CSN3: variants seen among roughly 807,000 people sequenced by gnomAD.
CSN3 encodes kappa-casein.
A neutral mutation model predicts 9.9 loss-of-function variants in CSN3; 7 were observed. That is an observed-to-expected ratio of 0.71 (90% confidence interval 0.40 to 1.33). The LOEUF is 1.33. Among genes scored for constraint, CSN3 ranks in the 40% most tolerant of loss-of-function variants. The pLI, the probability that CSN3 is intolerant of heterozygous loss-of-function variation, is 0.01. For synonymous variants in CSN3, 88 were observed against 82.3 expected (o/e 1.07, Z -0.37); for missense variants, 253 against 227.9 (o/e 1.11, Z -0.71).
chr4:70,248,016 A>C (rs1490695499), intron 3 of CSN3, among the ~76,000 whole-genome samples, 166 bp downstream of exon 3: 13 of 152,200 alleles, frequency 8.5e-5, no homozygotes, highest in African/African-American at 2.9e-4. Flanking sequence ...GGTGATATGA[A>C]TCAACATTGA....
upstream of CSN3, chr4:70,242,506 C>T (rs1172321537): frequency 6.6e-6 from 1 of 150,398 alleles, no homozygotes; most frequent in Non-Finnish European, 1.5e-5. Flanking sequence ...ACCCTGCTAT[C>T]ATCATCTTAT....
intron 2 of CSN3, among the ~76,000 whole-genome samples, chr4:70,245,143 A>T (rs2109695383): frequency 6.6e-6 from 1 of 152,232 alleles, no homozygotes; most frequent in African/African-American, 2.4e-5. Flanking sequence ...TAGAGAAAAT[A>T]CATTCAGGGG....
upstream of CSN3, among the ~76,000 whole-genome samples, chr4:70,241,208 CTG>C (rs2109691933): frequency 6.6e-6 from 1 of 152,098 alleles, no homozygotes; most frequent in South Asian, 2.1e-4. Flanking sequence ...AAGGAAAACA[CTG>C]TGACTAAATA....
upstream of CSN3, among the ~76,000 whole-genome samples, chr4:70,240,072 A>G (rs1265463693): frequency 2.6e-5 from 4 of 151,992 alleles, no homozygotes; most frequent in Non-Finnish European, 5.9e-5. Context: ...CTGAGAAATA[A>G]AATGAGACAG....
At chr4:70,247,966 A>G in intron 3 of CSN3, 116 bp downstream of exon 3, 1 of 641,192 alleles carries the variant, frequency 1.6e-6, no homozygotes. Flanking sequence ...TTTCCATAAA[A>G]CAATCTAATA....
chr4:70,245,370 T>C (rs1828827), intron 2 of CSN3, among the ~76,000 whole-genome samples: 16,651 of 152,192 alleles, frequency 0.11, 1,069 homozygotes, highest in Admixed American at 0.18. Context: ...CTGCCTTTAA[T>C]ATTTGAATCA....
chr4:70,249,464 A>G, exon 4 of CSN3: 2 of 1,603,864 alleles, frequency 1.2e-6, no homozygotes, highest in South Asian at 2.2e-5. Context: ...GCATAAAAAC[A>G]CCAAGGAAAT....
intron 2 of CSN3, among the ~76,000 whole-genome samples, chr4:70,245,202 T>C (rs1463867937): frequency 1.3e-5 from 2 of 152,072 alleles, no homozygotes; most frequent in Non-Finnish European, 2.9e-5. Context: ...TTAAGGATAA[T>C]TCAGAAAGAA....
At chr4:70,244,658 T>C (rs1730339047) in intron 1 of CSN3, among the ~76,000 whole-genome samples, 154 bp from the exon 2 acceptor site, 1 of 152,116 alleles carries the variant, frequency 6.6e-6, no homozygotes, top group Admixed American at 6.6e-5. Context: ...TTTGAGTTTT[T>C]ACATTCTTTT....
upstream of CSN3, among the ~76,000 whole-genome samples, chr4:70,242,219 A>G (rs1407337755): frequency 6.6e-6 from 1 of 151,792 alleles, no homozygotes; most frequent in African/African-American, 2.4e-5. Context: ...ATTTAAAAAG[A>G]TATGAATACT....
chr4:70,240,120 G>A (rs1009497404), upstream of CSN3, among the ~76,000 whole-genome samples: 1 of 151,856 alleles, frequency 6.6e-6, no homozygotes, highest in African/African-American at 2.4e-5. Context: ...ACCATCAAGG[G>A]AAGATAAAAC....
At chr4:70,250,871 A>G (rs1181676660) in intron 4 of CSN3, among the ~76,000 whole-genome samples, 1 of 152,186 alleles carries the variant, frequency 6.6e-6, no homozygotes, top group Non-Finnish European at 1.5e-5. Context: ...ATATGGGTAA[A>G]TTGTGTTGTT....
intron 3 of CSN3, among the ~76,000 whole-genome samples, 173 bp downstream of exon 3, chr4:70,248,023 T>C (rs957921667): frequency 6.6e-6 from 1 of 152,208 alleles, no homozygotes; most frequent in Non-Finnish European, 1.5e-5. Context: ...TGAATCAACA[T>C]TGATGTTCAT....
chr4:70,246,700 C>T (rs1487478239), intron 2 of CSN3, among the ~76,000 whole-genome samples: 3 of 132,840 alleles, frequency 2.3e-5, no homozygotes, highest in African/African-American at 8.3e-5. Context: ...GAGACAGAGT[C>T]TCGCTTGGTC....
chr4:70,243,991 T>G (rs532081636), intron 1 of CSN3, among the ~76,000 whole-genome samples: 1 of 152,166 alleles, frequency 6.6e-6, no homozygotes, highest in Non-Finnish European at 1.5e-5. Context: ...GATCATGGAA[T>G]TATAGAATTT....
chr4:70,251,155 A>T (rs974839425), intron 4 of CSN3, 107 bp from the exon 5 acceptor site: 1 of 152,174 alleles, frequency 6.6e-6, no homozygotes, highest in Non-Finnish European at 1.5e-5. Flanking sequence ...TGATTGACTT[A>T]TTGGATACAG....
upstream of CSN3, among the ~76,000 whole-genome samples, chr4:70,242,259 C>T (rs1354325231): frequency 1.3e-5 from 2 of 150,146 alleles, no homozygotes; most frequent in African/African-American, 4.9e-5. Flanking sequence ...GATGACTCTA[C>T]ATCCTTCTCT....
At chr4:70,244,687 CA>C (rs1475229055) in intron 1 of CSN3, 124 bp from the exon 2 acceptor site, 4 of 427,306 alleles carry the variant, frequency 9.4e-6, no homozygotes, top group African/African-American at 8.2e-5. Flanking sequence ...AAATTTTTCA[CA>C]TCGGCTAAAT....
exon 4 of CSN3, chr4:70,249,022 T>C (rs367828250): frequency 5.6e-6 from 9 of 1,600,842 alleles, no homozygotes; most frequent in African/African-American, 1.3e-5. Flanking sequence ...TGAAAGACCA[T>C]TCTATCAGAA....
Sources: gnomAD v4.1 joint callset for allele counts (sites outside exome capture counted in the v4.1 genomes callset) on GRCh38, gnomAD v4.1.1 for gene constraint, MANE v1.5 for transcripts, NCBI Gene and HGNC (gene_info 2026-07-23, HGNC 2026-07-21) for gene names.